RYR2: variants seen among roughly 807,000 people sequenced by gnomAD.
RYR2 encodes the protein ryanodine receptor 2, also known as cardiac muscle ryanodine receptor-calcium release channel.
In RYR2, 227 loss-of-function variants were observed where a neutral mutation model predicts 601.1. The observed-to-expected ratio is 0.38, with a 90% CI of 0.34 to 0.42. RYR2 has a LOEUF of 0.42. RYR2 is among the 10% of genes least tolerant of loss of function. The pLI, the probability that RYR2 is intolerant of heterozygous loss-of-function variation, is 1.00. For missense variants in RYR2, 4,646 were observed against 6,156.5 expected, an observed-to-expected ratio of 0.75 and a Z score of 8.21; for synonymous variants, 2,223 against 2,175.1, an observed-to-expected ratio of 1.02 and a Z score of -0.61.
At chr1:237,052,607 A>G (rs1226244779) in intron 1 of RYR2, among the ~76,000 whole-genome samples, 1 of 152,104 alleles carries the variant, frequency 6.6e-6, no homozygotes, top group Non-Finnish European at 1.5e-5. Flanking sequence ...AGGGATGAAA[A>G]TATGTTTTAA....
rs933977741 is a variant in RYR2 at position 237,730,376 on chromosome 1, C to T, written c.10935+20C>T. 2 of 1,292,176 alleles carry T rather than the reference C, an allele frequency of 1.5e-6. No homozygotes were observed. Among genetic ancestry groups the T allele is most frequent in the African/African-American group, 2.9e-5 (2 of 68,526 alleles). The allele number at this position is 1,292,176 out of a possible 1,614,324, so 80.0% of individuals were successfully genotyped here. A position where few individuals can be genotyped will look rare whatever the true frequency, so the allele number is the denominator to read the frequency against. On this transcript the variant is annotated intron_variant, in intron 77 of 104. Transcript: ENST00000366574. ...TTAGCAGTATGTTTTTAGTGGGGCTCTAAGATGAAAGAGGGTCTAGGCTTG... is the reference window on the plus strand; with the variant it reads ...TTAGCAGTATGTTTTTAGTGGGGCTTTAAGATGAAAGAGGGTCTAGGCTTG...
chr1:237,732,732 T>C lies in RYR2; in HGVS notation c.11039+583T>C, dbSNP rs550915817. Reference sequence around the variant, plus strand: ...AGAAATGCACTGGTAGGCCTGATCGTCAAAATGTGCTCAGCATCTGTCATT... The same window carrying C: ...AGAAATGCACTGGTAGGCCTGATCGCCAAAATGTGCTCAGCATCTGTCATT... On this transcript the variant is annotated intron_variant, in intron 78 of 104. Transcript: ENST00000366574. 2.6e-5 allele frequency among the ~76,000 whole-genome samples: 4 copies of C among 152,276 alleles called. No homozygotes were observed. The South Asian group carries it at 8.3e-4, about 32-fold the overall frequency.
At chr1:237,663,368 T>C (rs115859450) in intron 56 of RYR2, among the ~76,000 whole-genome samples, 236 of 152,344 alleles carry the variant, frequency 1.5e-3, no homozygotes, top group African/African-American at 5.5e-3. Flanking sequence ...CATCATTTTA[T>C]AAAAGGAATA....
At chr1:237,800,539 T>G (rs1659840696) in intron 97 of RYR2, among the ~76,000 whole-genome samples, 1 of 152,156 alleles carries the variant, frequency 6.6e-6, no homozygotes. Flanking sequence ...TTAAGAAAGA[T>G]TCGCTTAATT....
At chr1:237,127,629 G>A (rs1330815719) in intron 1 of RYR2, among the ~76,000 whole-genome samples, 7 of 151,016 alleles carry the variant, frequency 4.6e-5, no homozygotes, top group Non-Finnish European at 7.4e-5. Flanking sequence ...CTTCCCAGAC[G>A]GGGCGGCTGC....
At chr1:237,352,686 A>T (rs1425353903) in intron 3 of RYR2, among the ~76,000 whole-genome samples, 2 of 152,236 alleles carry the variant, frequency 1.3e-5, no homozygotes, top group Non-Finnish European at 2.9e-5. Context: ...CTGGATATCA[A>T]GACTTATTTT....
At chr1:237,709,139 A>G in intron 69 of RYR2, 41 bp downstream of exon 69, 2 of 1,509,166 alleles carry the variant, frequency 1.3e-6, no homozygotes, top group Non-Finnish European at 1.8e-6. Context: ...CAATTCGGTC[A>G]TAACGTTTCT....
intron 1 of RYR2, among the ~76,000 whole-genome samples, chr1:237,169,965 C>T (rs1331934517): frequency 1.3e-5 from 2 of 151,936 alleles, no homozygotes; most frequent in Non-Finnish European, 2.9e-5. Flanking sequence ...TCATTGAGTG[C>T]TTTTTGTGGA....
chr1:237,082,441 G>T (rs1405218277), intron 1 of RYR2, among the ~76,000 whole-genome samples: 1 of 147,820 alleles, frequency 6.8e-6, no homozygotes, highest in Non-Finnish European at 1.5e-5. Context: ...TTAATTTGTT[G>T]GTGCTGCTTT....
chr1:237,380,814 A>C (rs1701443671), intron 8 of RYR2, among the ~76,000 whole-genome samples: 2 of 151,962 alleles, frequency 1.3e-5, no homozygotes, highest in African/African-American at 4.8e-5. Flanking sequence ...GCGGTGGCTC[A>C]TGCCTGTAAT....
chr1:237,658,013 A>C lies in RYR2; in HGVS notation c.8199A>C (p.Ser2733=). ...KYAEHSHDKW[S]MDKLANGWIY... is the part of the protein sequence containing the mutation. ...CAGAACACTCCCATGACAAATGGTC[A>C]ATGGACAAGGTAAAAAGAGTATTAC... Residue 2733 remains serine, a synonymous_variant, in exon 54 of 105, where the codon TCA becomes TCC. Coordinates refer to ENST00000366574, the MANE Select transcript of RYR2 (RefSeq NM_001035.3). 1 of 1,491,568 alleles carries C rather than the reference A, an allele frequency of 6.7e-7. No individual in the cohort carries two copies. Among genetic ancestry groups the C allele is most frequent in the Non-Finnish European group, 9.0e-7 (1 of 1,113,280 alleles). The allele number at this position is 1,491,568 out of a possible 1,614,324, so 92.4% of individuals were successfully genotyped here.
At chr1:237,502,396 C>T (rs1353603017) in intron 21 of RYR2, among the ~76,000 whole-genome samples, 3 of 152,148 alleles carry the variant, frequency 2.0e-5, no homozygotes, top group Admixed American at 2.0e-4. Context: ...GTTGAAGTGA[C>T]ATCAGAATCT....
chr1:237,754,814 A>C (rs1332267258), intron 80 of RYR2, among the ~76,000 whole-genome samples: 1 of 152,218 alleles, frequency 6.6e-6, no homozygotes, highest in African/African-American at 2.4e-5. Flanking sequence ...TGTAATGACA[A>C]AATGGTTTTG....
chr1:237,151,387 C>T (rs1558325537), intron 1 of RYR2, among the ~76,000 whole-genome samples: 2 of 152,148 alleles, frequency 1.3e-5, no homozygotes, highest in Non-Finnish European at 2.9e-5. Flanking sequence ...GAGAAAATGA[C>T]TCTTAGCGAT....
At chr1:237,362,052 A>G (rs563772152) in intron 4 of RYR2, among the ~76,000 whole-genome samples, 1 of 152,318 alleles carries the variant, frequency 6.6e-6, no homozygotes, top group East Asian at 1.9e-4. Context: ...TAGCAATAGC[A>G]ATTTCTCTTC....
At chr1:237,366,028 T>C (rs1700168541) in intron 5 of RYR2, among the ~76,000 whole-genome samples, 2 of 152,220 alleles carry the variant, frequency 1.3e-5, no homozygotes, top group South Asian at 4.1e-4. Context: ...ATGCATGCAA[T>C]TACAGTAATT....
At chr1:237,369,736 A>G in intron 6 of RYR2, 128 bp downstream of exon 6, 5 of 728,608 alleles carry the variant, frequency 6.9e-6, no homozygotes, top group Middle Eastern at 2.4e-4. Flanking sequence ...GTTCTTTCAT[A>G]TCTTTGTACC....
At chr1:237,309,814 C>T (rs1188182437) in intron 2 of RYR2, among the ~76,000 whole-genome samples, 2 of 152,204 alleles carry the variant, frequency 1.3e-5, no homozygotes, top group Non-Finnish European at 2.9e-5. Flanking sequence ...GAGCACAGCA[C>T]CGGTGGGCTG....
intron 42 of RYR2, 72 bp downstream of exon 42, chr1:237,631,613 ATTTTTTTTTTTTTTTT>A (rs556269614): frequency 2.0e-3 from 413 of 208,132 alleles, no homozygotes; most frequent in East Asian, 2.9e-3. Context: ...TAGAATGCAG[ATTTTTTTTTTTTTTTT>A]TTTTTTTTTT....
Sources: allele counts gnomAD v4.1 joint callset (sites outside exome capture counted in the v4.1 genomes callset), GRCh38; gene constraint gnomAD v4.1.1; transcripts MANE v1.5; gene names NCBI Gene and HGNC (gene_info 2026-07-23, HGNC 2026-07-21).